EYS: variants seen among roughly 807,000 people sequenced by gnomAD.
EYS encodes the protein protein eyes shut homolog.
A neutral mutation model predicts 282.1 loss-of-function variants in EYS; 250 were observed. The ratio of observed to expected loss-of-function variants is 0.89; its 90% confidence interval spans 0.80 to 0.98. The LOEUF is 0.98. Among genes scored for constraint, EYS ranks in the 50% least tolerant of loss-of-function variants. The pLI is 0.00. For missense variants in EYS, 4,016 were observed against 3,709.0 expected, an observed-to-expected ratio of 1.08 and a Z score of -2.15; for synonymous variants, 1,355 against 1,282.9, an observed-to-expected ratio of 1.06 and a Z score of -1.20.
At chr6:65,279,698 G>T (rs763166563) in intron 12 of EYS, among the ~76,000 whole-genome samples, 1 of 152,100 alleles carries the variant, frequency 6.6e-6, no homozygotes, top group Non-Finnish European at 1.5e-5. Flanking sequence ...TACTCATCAA[G>T]CATCCTTTAA....
intron 12 of EYS, among the ~76,000 whole-genome samples, chr6:65,216,180 T>C: frequency 6.6e-6 from 1 of 152,100 alleles, no homozygotes; most frequent in East Asian, 1.9e-4. Context: ...TATTATATAA[T>C]TAAGTTCATC....
chr6:64,945,415 T>A (rs1769254077), intron 15 of EYS, among the ~76,000 whole-genome samples: 1 of 152,004 alleles, frequency 6.6e-6, no homozygotes, highest in Admixed American at 6.6e-5. Flanking sequence ...AATCTCTAAG[T>A]AAAAAATTGG....
intron 13 of EYS, among the ~76,000 whole-genome samples, chr6:65,030,360 A>G (rs1026063458): frequency 2.0e-5 from 3 of 152,072 alleles, no homozygotes; most frequent in Non-Finnish European, 4.4e-5. Flanking sequence ...TTCTGCAGAC[A>G]GACTACTGCC....
chr6:65,148,482 G>C (rs1472977386), intron 12 of EYS, among the ~76,000 whole-genome samples: 6 of 152,084 alleles, frequency 3.9e-5, no homozygotes, highest in Admixed American at 1.3e-4. Context: ...CATGGCCTTG[G>C]GCAGCTCTAC....
intron 15 of EYS, among the ~76,000 whole-genome samples, chr6:64,929,574 CA>C (rs1768640598): frequency 6.6e-6 from 1 of 152,026 alleles, no homozygotes; most frequent in Non-Finnish European, 1.5e-5. Context: ...CCTATTTGTA[CA>C]ATAATTATTT....
At chr6:64,815,089 T>C (rs1489814479) in intron 21 of EYS, 1 of 219,480 alleles carries the variant, frequency 4.6e-6, no homozygotes, top group African/African-American at 2.3e-5. Context: ...TAGAAATGAA[T>C]TGTGCACTTC....
At chr6:64,466,089 G>T (rs1775907140) in intron 26 of EYS, among the ~76,000 whole-genome samples, 1 of 152,038 alleles carries the variant, frequency 6.6e-6, no homozygotes, top group South Asian at 2.1e-4. Context: ...TTATCTAAAA[G>T]ATGAAAGATA....
chr6:64,161,452 A>G (rs541551924), intron 31 of EYS, among the ~76,000 whole-genome samples: 21 of 152,306 alleles, frequency 1.4e-4, no homozygotes, highest in African/African-American at 4.6e-4. Context: ...TACAAGTGGT[A>G]TATCTTGGGG....
At chr6:65,440,137 C>G (rs918199424) in intron 5 of EYS, among the ~76,000 whole-genome samples, 3 of 152,000 alleles carry the variant, frequency 2.0e-5, no homozygotes, top group African/African-American at 7.2e-5. Context: ...TGGATAAATA[C>G]AGATGAGCTT....
At chr6:65,056,540 C>T (rs531474055) in intron 13 of EYS, among the ~76,000 whole-genome samples, 6 of 151,976 alleles carry the variant, frequency 3.9e-5, no homozygotes, top group South Asian at 4.2e-4. Context: ...CAGTGAGCTA[C>T]GATAGCACCA....
intron 30 of EYS, among the ~76,000 whole-genome samples, chr6:64,302,505 C>T (rs1561917369): frequency 6.6e-6 from 1 of 152,174 alleles, no homozygotes; most frequent in Non-Finnish European, 1.5e-5. Flanking sequence ...CATCTCCTTT[C>T]AACTTTTGCA....
chr6:63,980,534 A>G (rs185176799), intron 35 of EYS, among the ~76,000 whole-genome samples: 168 of 152,026 alleles, frequency 1.1e-3, no homozygotes, highest in African/African-American at 3.9e-3. Context: ...TTCTGAACAT[A>G]AACAGTCTAT....
At position 64,081,182 on chromosome 6, in the gene EYS, C is replaced by T. The variant is rs539711878; in HGVS notation, c.6571+674G>A. On this transcript the variant is annotated intron_variant, in intron 32 of 42. Transcript: ENST00000503581. Reference sequence around the variant, plus strand: ...TAAGGTACTAAAGACATTACACCTCCAATATGAGGAATTGTTAAAATGATT... The same window carrying T: ...TAAGGTACTAAAGACATTACACCTCTAATATGAGGAATTGTTAAAATGATT... Among the ~76,000 whole-genome samples the T allele has an allele frequency of 3.3e-5, 5 of 152,218 alleles. No individual in the cohort carries two copies. The South Asian group carries it at 8.3e-4, about 25-fold the overall frequency.
intron 22 of EYS, among the ~76,000 whole-genome samples, chr6:64,797,668 T>C (rs1583168432): frequency 6.6e-6 from 1 of 152,070 alleles, no homozygotes; most frequent in Admixed American, 6.6e-5. Context: ...TAAATTATAC[T>C]TTAAGTTTTA....
chr6:64,635,286 C>T (rs1767934584), intron 22 of EYS, among the ~76,000 whole-genome samples: 1 of 152,150 alleles, frequency 6.6e-6, no homozygotes, highest in African/African-American at 2.4e-5. Flanking sequence ...AATTTGACTT[C>T]CTCTTTTCCT....
At chr6:64,150,759 G>A (rs1774674979) in intron 31 of EYS, among the ~76,000 whole-genome samples, 1 of 152,122 alleles carries the variant, frequency 6.6e-6, no homozygotes, top group Admixed American at 6.6e-5. Flanking sequence ...ACTTTGGGAG[G>A]CCAAGGAAGG....
At position 64,584,389 on chromosome 6, in the gene EYS, C is replaced by A. The variant is rs114244839; in HGVS notation, c.5644+5834G>T. ...ACCATATTATGATAATAGTTGTTTT[C>A]CAATTTTTAAAATTTTAATATAATA... On this transcript the variant is annotated intron_variant, in intron 26 of 42. Coordinates refer to ENST00000503581, the MANE Select transcript of EYS (RefSeq NM_001142800.2). Among the ~76,000 whole-genome samples the A allele has an allele frequency of 2.5e-3, 383 of 151,292 alleles. 4 individuals are homozygous for A. Among genetic ancestry groups the A allele is most frequent in the African/African-American group, 8.6e-3 (355 of 41,372 alleles).
At chr6:63,898,271 G>A (rs946795756) in intron 35 of EYS, among the ~76,000 whole-genome samples, 13 of 151,940 alleles carry the variant, frequency 8.6e-5, no homozygotes, top group Non-Finnish European at 1.5e-5. Context: ...GGTGGGTCAC[G>A]AGGTCAGGAG....
At chr6:64,719,227 A>G (rs1443282997) in intron 22 of EYS, among the ~76,000 whole-genome samples, 1 of 152,128 alleles carries the variant, frequency 6.6e-6, no homozygotes, top group East Asian at 1.9e-4. Context: ...CTTCCTAGCT[A>G]GCTGACACCT....
Sources: gnomAD v4.1 joint callset for allele counts (sites outside exome capture counted in the v4.1 genomes callset) on GRCh38, gnomAD v4.1.1 for gene constraint, MANE v1.5 for transcripts, NCBI Gene and HGNC (gene_info 2026-07-23, HGNC 2026-07-21) for gene names.